Variants in CAMKMT observed in about 807,000 individuals in gnomAD.
The protein encoded by CAMKMT is CaM KMT.
A neutral mutation model predicts 48.0 loss-of-function variants in CAMKMT; 53 were observed. That is an observed-to-expected ratio of 1.10 (90% CI 0.89 to 1.39). The LOEUF is 1.39. Among genes scored for constraint, CAMKMT ranks in the 40% most tolerant of loss-of-function variants. The pLI, the probability that CAMKMT is intolerant of heterozygous loss-of-function variation, is 0.00. For synonymous variants in CAMKMT, 165 were observed against 152.3 expected (o/e 1.08, Z -0.61); for missense variants, 428 against 402.7 (o/e 1.06, Z -0.54).
chr2:44,446,050 C>T (rs1326026363), intron 3 of CAMKMT, among the ~76,000 whole-genome samples: 1 of 151,970 alleles, frequency 6.6e-6, no homozygotes, highest in East Asian at 1.9e-4. Flanking sequence ...ATGTGACAGC[C>T]AAGTATAAAG....
intron 3 of CAMKMT, among the ~76,000 whole-genome samples, chr2:44,630,876 A>G (rs2103967084): frequency 6.6e-6 from 1 of 152,076 alleles, no homozygotes; most frequent in East Asian, 1.9e-4. Flanking sequence ...ATACTATTTG[A>G]CCCAGCCATC....
At chr2:44,549,662 G>A in intron 3 of CAMKMT, 1 of 588,106 alleles carries the variant, frequency 1.7e-6, no homozygotes, top group South Asian at 2.2e-5. Context: ...CTTCGTGGCA[G>A]AAGATTATGA....
intron 3 of CAMKMT, among the ~76,000 whole-genome samples, chr2:44,526,069 A>T (rs573174280): frequency 6.6e-6 from 1 of 152,236 alleles, no homozygotes; most frequent in East Asian, 1.9e-4. Context: ...ATAAAAAATG[A>T]TGAGTTCATG....
chr2:44,595,239 T>C (rs1670580265), intron 3 of CAMKMT, among the ~76,000 whole-genome samples: 1 of 151,586 alleles, frequency 6.6e-6, no homozygotes, highest in Admixed American at 6.6e-5. Context: ...TGGAAGACAG[T>C]GTGGCAATTC....
chr2:44,411,206 A>G (rs1217614187), intron 3 of CAMKMT, among the ~76,000 whole-genome samples: 1 of 152,148 alleles, frequency 6.6e-6, no homozygotes, highest in Non-Finnish European at 1.5e-5. Flanking sequence ...GGGCATCCAG[A>G]TTTGTTAGGG....
intron 9 of CAMKMT, among the ~76,000 whole-genome samples, chr2:44,757,566 CTT>C (rs1274573947): frequency 3.0e-5 from 4 of 134,314 alleles, no homozygotes; most frequent in Admixed American, 7.4e-5. Flanking sequence ...ACTATGGGGG[CTT>C]TTTTTTTTTT....
chr2:44,544,921 G>A (rs902448759), intron 3 of CAMKMT, among the ~76,000 whole-genome samples: 1 of 152,108 alleles, frequency 6.6e-6, no homozygotes, highest in African/African-American at 2.4e-5. Flanking sequence ...ATGATGACTA[G>A]GTTATTATAA....
chr2:44,412,189 G>C (rs1209503868), intron 3 of CAMKMT, among the ~76,000 whole-genome samples: 3 of 151,944 alleles, frequency 2.0e-5, no homozygotes, highest in Non-Finnish European at 4.4e-5. Context: ...AACCCACAAA[G>C]AGTCTGTCCA....
chr2:44,394,511 TCTGCCTCC>T (rs1006911289), intron 3 of CAMKMT, among the ~76,000 whole-genome samples: 2 of 151,944 alleles, frequency 1.3e-5, no homozygotes, highest in Admixed American at 6.6e-5. Context: ...CACTGCAACC[TCTGCCTCC>T]CAGGTTCAAG....
At chr2:44,659,367 C>A (rs981098267) in intron 3 of CAMKMT, among the ~76,000 whole-genome samples, 2 of 151,878 alleles carry the variant, frequency 1.3e-5, no homozygotes, top group Non-Finnish European at 2.9e-5. Context: ...GTTGAGGCTG[C>A]AGTGAGCTGT....
rs542083839 is a variant in CAMKMT, at chr2:44,483,040, A to G, written c.376+92735A>G. Among the ~76,000 whole-genome samples the G allele has an allele frequency of 6.0e-4, 92 of 152,266 alleles. 1 individual carries two copies. The highest frequency in any genetic ancestry group is 1.1e-3 in the Non-Finnish European group (75 of 67,980). ...TGAGTGCTGTCCAATGGAATCAACA[A>G]GTACATATAGCATGCATGTTGTGGG... On this transcript the variant is annotated intron_variant, in intron 3 of 10. Transcript: ENST00000378494.
chr2:44,515,172 G>C (rs1670773967), intron 3 of CAMKMT, among the ~76,000 whole-genome samples: 1 of 152,228 alleles, frequency 6.6e-6, no homozygotes, highest in South Asian at 2.1e-4. Context: ...TTACCTAGAA[G>C]TAACTGGAGC....
rs1573000289 is a variant in CAMKMT, at chr2:44,653,102, C to T, written c.377-51181C>T. Among the ~76,000 whole-genome samples, 1 of 152,164 alleles carries T rather than the reference C, an allele frequency of 6.6e-6. No individual in the cohort carries two copies. Among genetic ancestry groups the T allele is most frequent in the Non-Finnish European group, 1.5e-5 (1 of 68,026 alleles). On this transcript the variant is annotated intron_variant, in intron 3 of 10. Transcript: ENST00000378494. The surrounding 1 kb of genome is among the most constrained non-coding windows in gnomAD (Gnocchi z 5.2). Reference sequence around the variant, plus strand: ...GCATATTCTGATTCCTCCCAGGACACATTGGCTAGTTTCTAACGTACAGTC... The same window carrying T: ...GCATATTCTGATTCCTCCCAGGACATATTGGCTAGTTTCTAACGTACAGTC...
intron 3 of CAMKMT, among the ~76,000 whole-genome samples, chr2:44,552,534 A>C (rs1558697335): frequency 6.6e-6 from 1 of 152,216 alleles, no homozygotes; most frequent in Non-Finnish European, 1.5e-5. Context: ...ATACTGTGGC[A>C]GTGCTCAGAA....
At chr2:44,596,324 C>T (rs543044148) in intron 3 of CAMKMT, among the ~76,000 whole-genome samples, 1 of 152,002 alleles carries the variant, frequency 6.6e-6, no homozygotes, top group Admixed American at 6.6e-5. Context: ...TGGTATGTGC[C>T]TGTAGTCCCA....
In CAMKMT at chr2:44,653,890, C is replaced by T. The variant is rs1432476361; in HGVS notation, c.377-50393C>T. Reference sequence around the variant, plus strand: ...AGTGAAAGAATGAAACCAAAACTGTCACATTTTAGCCTAAAGACTAGGAGT... The same window carrying T: ...AGTGAAAGAATGAAACCAAAACTGTTACATTTTAGCCTAAAGACTAGGAGT... On this transcript the variant is annotated intron_variant, in intron 3 of 10. Coordinates refer to ENST00000378494, the MANE Select transcript of CAMKMT (RefSeq NM_024766.5). This position sits in a 1 kb window ranked among gnomAD's most constrained non-coding sequence, Gnocchi z 5.2. 6.6e-6 allele frequency among the ~76,000 whole-genome samples: 1 copy of T among 152,136 alleles called. No individual in the cohort carries two copies. The highest frequency in any genetic ancestry group is 1.5e-5 in the Non-Finnish European group (1 of 68,036).
intron 3 of CAMKMT, among the ~76,000 whole-genome samples, chr2:44,619,820 G>A (rs1672080721): frequency 6.6e-6 from 1 of 152,074 alleles, no homozygotes; most frequent in Non-Finnish European, 1.5e-5. Flanking sequence ...ACAATGCTGT[G>A]GATAGCAATG....
chr2:44,722,716 T>C (rs1286321996), intron 7 of CAMKMT, among the ~76,000 whole-genome samples: 1 of 152,162 alleles, frequency 6.6e-6, no homozygotes, highest in African/African-American at 2.4e-5. Context: ...ATAAATAATT[T>C]TGTGATTTCA....
chr2:44,629,602 C>T (rs1265922451), intron 3 of CAMKMT, among the ~76,000 whole-genome samples: 1 of 151,848 alleles, frequency 6.6e-6, no homozygotes, highest in African/African-American at 2.4e-5. Context: ...CCATGCCTGG[C>T]TAATTAACAG....
Sources: allele counts gnomAD v4.1 joint callset (sites outside exome capture counted in the v4.1 genomes callset), GRCh38; gene constraint gnomAD v4.1.1; non-coding constraint Gnocchi (gnomAD v3.1); transcripts MANE v1.5; gene names NCBI Gene and HGNC (gene_info 2026-07-23, HGNC 2026-07-21).